The following WDR70 variants were observed in gnomAD, a reference collection of about 807,000 sequenced individuals.
WDR70 encodes the protein WD repeat domain 70.
Under a neutral mutation model 88.6 loss-of-function variants are expected in WDR70, and 53 were observed. The ratio of observed to expected loss-of-function variants is 0.60; its 90% CI spans 0.48 to 0.75. The LOEUF is 0.75. Among genes scored for constraint, WDR70 ranks in the 30% least tolerant of loss-of-function variants. WDR70 has a pLI of 0.00. For missense variants in WDR70, 610 were observed against 823.2 expected, an observed-to-expected ratio of 0.74 and a Z score of 3.17; for synonymous variants, 280 against 270.0, an observed-to-expected ratio of 1.04 and a Z score of -0.36.
intron 13 of WDR70, among the ~76,000 whole-genome samples, chr5:37,716,658 G>C (rs181855003): frequency 6.6e-6 from 1 of 151,630 alleles, no homozygotes; most frequent in East Asian, 1.9e-4. Context: ...TATTAATTTT[G>C]TAGTATTTGT....
intron 9 of WDR70, among the ~76,000 whole-genome samples, chr5:37,601,397 C>G (rs779960363): frequency 2.6e-5 from 4 of 152,144 alleles, no homozygotes; most frequent in Non-Finnish European, 5.9e-5. Context: ...GAATTATCTT[C>G]TTCATAAGCT....
intron 10 of WDR70, among the ~76,000 whole-genome samples, chr5:37,634,470 C>G (rs183620399): frequency 1.9e-4 from 29 of 152,290 alleles, no homozygotes; most frequent in African/African-American, 6.3e-4. Context: ...CCTCACACAT[C>G]TCTAACCTTA....
chr5:37,396,695 T>A, intron 5 of WDR70, 125 bp downstream of exon 5: 1 of 1,405,110 alleles, frequency 7.1e-7, no homozygotes, highest in Non-Finnish European at 9.3e-7. Flanking sequence ...CCGGGCATGG[T>A]GGCTTAACAC....
At chr5:37,728,859 GTGTTTGCCTAAGGGTGATTTTC>G (rs2112709871) in intron 17 of WDR70, among the ~76,000 whole-genome samples, 1 of 152,158 alleles carries the variant, frequency 6.6e-6, no homozygotes, top group East Asian at 1.9e-4. Context: ...TATTACTATG[GTGTTTGCCTAAGGGTGATTTTC>G]TGTTTCCCTC....
chr5:37,723,744 A>G (rs1437573991), intron 15 of WDR70: 3 of 152,180 alleles, frequency 2.0e-5, no homozygotes, highest in African/African-American at 7.2e-5. Context: ...TTTTTGCAAG[A>G]GTAGAAGTGT....
chr5:37,603,794 A>G (rs1056318376), intron 9 of WDR70, among the ~76,000 whole-genome samples: 2 of 152,056 alleles, frequency 1.3e-5, no homozygotes, highest in Non-Finnish European at 2.9e-5. Flanking sequence ...TATCTTCATT[A>G]TTATGTATTG....
intron 9 of WDR70, among the ~76,000 whole-genome samples, chr5:37,521,792 A>G (rs960496294): frequency 6.6e-6 from 1 of 151,768 alleles, no homozygotes; most frequent in African/African-American, 2.4e-5. Context: ...GGCTGGTTCC[A>G]TGTTTTTGCA....
At chr5:37,518,242 TA>T (rs1740954420) in intron 9 of WDR70, among the ~76,000 whole-genome samples, 1 of 152,138 alleles carries the variant, frequency 6.6e-6, no homozygotes, top group South Asian at 2.1e-4. Flanking sequence ...AATGTACAGT[TA>T]TATTATTATT....
At chr5:37,722,998 A>G (rs1747867948) in intron 15 of WDR70, 64 bp downstream of exon 15, 1 of 1,581,842 alleles carries the variant, frequency 6.3e-7, no homozygotes, top group Non-Finnish European at 8.7e-7. Flanking sequence ...TTTTGATTGC[A>G]TAGCTTTAGA....
chr5:37,586,704 C>T (rs920054217), intron 9 of WDR70, among the ~76,000 whole-genome samples: 2 of 151,996 alleles, frequency 1.3e-5, no homozygotes, highest in South Asian at 4.2e-4. Flanking sequence ...CTAACACTTC[C>T]CTCTCCTCGT....
At position 37,708,486 on chromosome 5, in the gene WDR70, CAT is replaced by C. The variant is rs556975023; in HGVS notation, c.1416+5401_1416+5402del. ...ACACATGTAACATAATTATACATAA[CAT>C]AAATTTAAAAAGTATATTCTGGAAA... On this transcript the variant is annotated intron_variant, in intron 13 of 17. Transcript: ENST00000265107. 3.2e-4 allele frequency among the ~76,000 whole-genome samples: 49 copies of C among 151,844 alleles called. 2 individuals are homozygous for C. The South Asian group carries it at 9.0e-3, about 28-fold the overall frequency.
At chr5:37,429,139 T>G (rs1175093249) in intron 5 of WDR70, among the ~76,000 whole-genome samples, 1 of 152,214 alleles carries the variant, frequency 6.6e-6, no homozygotes, top group Non-Finnish European at 1.5e-5. Context: ...CTGGCTAATG[T>G]GTGCATCATT....
intron 16 of WDR70, among the ~76,000 whole-genome samples, chr5:37,725,336 G>A (rs532983909): frequency 3.3e-5 from 5 of 152,022 alleles, no homozygotes; most frequent in African/African-American, 1.2e-4. Flanking sequence ...AGGGGAACTC[G>A]GGGGCTCAGT....
chr5:37,675,009 T>A (rs1488821086), intron 10 of WDR70, among the ~76,000 whole-genome samples: 3 of 151,442 alleles, frequency 2.0e-5, no homozygotes, highest in African/African-American at 7.3e-5. Flanking sequence ...TTTCATGTGT[T>A]TTTTGGCTGC....
rs986573227 is a variant in WDR70 at position 37,632,177 on chromosome 5, C to T, written c.1092+26939C>T. Among the ~76,000 whole-genome samples the T allele has an allele frequency of 4.6e-5, 7 of 152,218 alleles. 1 individual carries two copies. Among genetic ancestry groups the T allele is most frequent in the African/African-American group, 1.4e-4 (6 of 41,530 alleles). ...TAACATTACAGCACAATGTGTTACT[C>T]GTGTTTGTAGTGATGCTGGTATAAA... On this transcript the variant is annotated intron_variant, in intron 10 of 17. Transcript: ENST00000265107.
At chr5:37,436,743 A>C (rs562362837) in intron 5 of WDR70, among the ~76,000 whole-genome samples, 1 of 152,254 alleles carries the variant, frequency 6.6e-6, no homozygotes, top group African/African-American at 2.4e-5. Flanking sequence ...TTGAGCAATA[A>C]ATTTTAGGGG....
At chr5:37,739,087 C>T (rs1157747968) in intron 17 of WDR70, among the ~76,000 whole-genome samples, 2 of 152,170 alleles carry the variant, frequency 1.3e-5, no homozygotes, top group Non-Finnish European at 2.9e-5. Flanking sequence ...TTACTCTTCC[C>T]CAGATGAGTT....
chr5:37,386,454 G>A (rs1026251335), intron 3 of WDR70, among the ~76,000 whole-genome samples: 3 of 152,062 alleles, frequency 2.0e-5, no homozygotes, highest in African/African-American at 7.2e-5. Flanking sequence ...AGCCTCCCCA[G>A]TAGCTGGGAT....
At chr5:37,610,605 A>G (rs1196718557) in intron 10 of WDR70, among the ~76,000 whole-genome samples, 1 of 152,126 alleles carries the variant, frequency 6.6e-6, no homozygotes, top group African/African-American at 2.4e-5. Context: ...GAACATTTCA[A>G]CTGGTATTTT....
Sources: allele counts gnomAD v4.1 joint callset (sites outside exome capture counted in the v4.1 genomes callset), GRCh38; gene constraint gnomAD v4.1.1; transcripts MANE v1.5; gene names NCBI Gene and HGNC (gene_info 2026-07-23, HGNC 2026-07-21).